Variants in KIF18B observed in about 807,000 individuals in gnomAD.
KIF18B encodes kinesin-like protein KIF18B.
KIF18B carries 49 observed loss-of-function variants against 80.9 expected under a neutral mutation model. The ratio of observed to expected loss-of-function variants is 0.61; its 90% CI spans 0.48 to 0.77. The LOEUF (loss-of-function observed/expected upper bound fraction) is 0.77. Ranked by LOEUF, KIF18B falls within the 30% of genes least tolerant of loss-of-function variation. The pLI, the probability that KIF18B is intolerant of heterozygous loss-of-function variation, is 0.00. For missense variants in KIF18B, 994 were observed against 1,127.7 expected, an observed-to-expected ratio of 0.88 and a Z score of 1.70; for synonymous variants, 439 against 463.9, an observed-to-expected ratio of 0.95 and a Z score of 0.69.
chr17:44,940,567 C>T (rs1597895162), intron 1 of KIF18B, among the ~76,000 whole-genome samples: 1 of 152,116 alleles, frequency 6.6e-6, no homozygotes, highest in Non-Finnish European at 1.5e-5. Context: ...TGGAATGCAG[C>T]GTACCAAGGG....
intron 7 of KIF18B, among the ~76,000 whole-genome samples, chr17:44,933,524 GCT>G (rs374255740): frequency 2.5e-3 from 372 of 150,822 alleles, no homozygotes; most frequent in African/African-American, 8.7e-3. Flanking sequence ...ACAGAGTCTA[GCT>G]CTGTCGCCCA....
intron 1 of KIF18B, among the ~76,000 whole-genome samples, chr17:44,944,509 T>A (rs1006048392): frequency 2.0e-5 from 3 of 152,170 alleles, no homozygotes; most frequent in Non-Finnish European, 4.4e-5. Context: ...CCCAAAGTGC[T>A]GGTGCTGGGA....
chr17:44,936,231 C>A lies in KIF18B; in HGVS notation c.114G>T (p.Leu38=). 1 of 1,610,432 alleles carries A rather than the reference C, an allele frequency of 6.2e-7. No individual in the cohort carries two copies. The highest frequency in any genetic ancestry group is 8.5e-7 in the Non-Finnish European group (1 of 1,178,818). ...CATCGGGCTCCTCAGGGTTAAACAC[C>A]AGCACCCGCTCGTCCACCACCTGAA... ...PVVQVVDERV[L]VFNPEEPDGG... The change falls in exon 2 of 16, where the codon CTG becomes CTT. Residue 38 remains leucine (L), a synonymous_variant. Coordinates refer to ENST00000593135, the MANE Select transcript of KIF18B (RefSeq NM_001265577.2).
intron 1 of KIF18B, among the ~76,000 whole-genome samples, chr17:44,947,229 G>A (rs1034326060): frequency 6.6e-6 from 1 of 151,180 alleles, no homozygotes; most frequent in African/African-American, 2.4e-5. Flanking sequence ...ACTCCTCACT[G>A]ACATGCAGGG....
rs2052284087 is a variant in KIF18B at position 44,936,152 on chromosome 17, CCTT to C, written c.190_192del (p.Lys64del). On this transcript the variant is annotated inframe_deletion, in exon 2 of 16. Coordinates refer to ENST00000593135, the MANE Select transcript of KIF18B (RefSeq NM_001265577.2). Reference sequence around the variant, plus strand: ...TCAAAGACAAACGTCAGGTCTTTGCCCTTCTTCTTGGGGCCATCATGGGTGCCA... The same window carrying C: ...TCAAAGACAAACGTCAGGTCTTTGCCCTTCTTGGGGCCATCATGGGTGCCA... 6.2e-7 allele frequency: 1 copy of C among 1,613,574 alleles called. No individual in the cohort carries two copies. The highest frequency in any genetic ancestry group is 8.5e-7 in the Non-Finnish European group (1 of 1,179,800).
chr17:44,928,281 G>T lies in KIF18B; in HGVS notation c.2021C>A (p.Thr674Asn), dbSNP rs1440667721. ...GGAGGAGGCCCTTTCTCCTTTGGGG[G>T]TGCTGGGCCCCTGTGAAGGTTGGGT... ...PDTQPSQGPS[T>N]PKGERASSPC... The change falls in exon 13 of 16, where the codon ACC becomes AAC. Residue 674 changes from threonine (T) to asparagine (N), a missense_variant. Physicochemically the swap from Thr to Asn is moderately conservative, Grantham distance 65. Coordinates refer to ENST00000593135, the MANE Select transcript of KIF18B (RefSeq NM_001265577.2). The T allele has an allele frequency of 6.2e-7, 1 of 1,613,412 alleles. No individual in the cohort carries two copies. Among genetic ancestry groups the T allele is most frequent in the African/African-American group, 1.3e-5 (1 of 74,912 alleles).
chr17:44,932,035 C>T, intron 10 of KIF18B, 21 bp downstream of exon 10: 2 of 1,592,902 alleles, frequency 1.3e-6, no homozygotes, highest in Non-Finnish European at 1.7e-6. Flanking sequence ...GATACCCAGG[C>T]CTCACACCCC....
rs555272626 is a variant in KIF18B at position 44,928,762 on chromosome 17, T to A, written c.1723+57A>T. On this transcript the variant is annotated intron_variant, in intron 12 of 15. Coordinates refer to ENST00000593135, the MANE Select transcript of KIF18B (RefSeq NM_001265577.2). ...GCCCCTGGACACCCCTTGGCCCCAG[T>A]GGGGCCTTGAAGACAGCACCTTGAA... The A allele has an allele frequency of 7.7e-6, 12 of 1,557,908 alleles. No homozygotes were observed. In the African/African-American group the frequency reaches 1.2e-4, roughly 16 times the overall value.
At chr17:44,935,211 TC>T (rs753863008) in intron 3 of KIF18B, 47 bp downstream of exon 3, 6 of 1,518,548 alleles carry the variant, frequency 4.0e-6, no homozygotes, top group East Asian at 2.3e-5. Flanking sequence ...TGGGCTCACT[TC>T]CCCCCGGGTG....
chr17:44,926,100 C>A lies in KIF18B; in HGVS notation c.2539G>T (p.Gly847Cys). ...GGCGGTCAGGACACCTTGGTGACGC[C>A]GTTCCCTGCTGAGAGTGCTCTCCCC... Reference protein sequence around the residue: ...RVGRALSAGNGVTKVS With the variant: ...RVGRALSAGNCVTKVS The change falls in exon 16 of 16, where the codon GGC becomes TGC. Residue 847 changes from glycine (G) to cysteine (C), a missense_variant. Gly to Cys is a radical substitution (Grantham distance 159, BLOSUM62 -3). Coordinates refer to ENST00000593135, the MANE Select transcript of KIF18B (RefSeq NM_001265577.2). The A allele has an allele frequency of 1.2e-5, 19 of 1,613,886 alleles. No individual in the cohort carries two copies. The highest frequency in any genetic ancestry group is 1.6e-5 in the Non-Finnish European group (19 of 1,179,872).
Position 44,936,283 on chromosome 17 carries a change from T to C in KIF18B, c.62A>G (p.Glu21Gly). The change falls in exon 2 of 16, where the codon GAG becomes GGG. Residue 21 changes from glutamate to glycine, a missense_variant. Glu to Gly is a moderately conservative substitution (Grantham distance 98, BLOSUM62 -2). Coordinates refer to ENST00000593135, the MANE Select transcript of KIF18B (RefSeq NM_001265577.2). ...CACTGGCCGCCGCTGACTGTCCAGCTCCCGAGGGGTGGGGGGCCGCACCCG... is the reference window on the plus strand; with the variant it reads ...CACTGGCCGCCGCTGACTGTCCAGCCCCCGAGGGGTGGGGGGCCGCACCCG... ...VVRVRPPTPR[E>G]LDSQRRPVVQ... is the part of the protein sequence containing the mutation. 6.2e-7 allele frequency: 1 copy of C among 1,610,790 alleles called. No homozygotes were observed. The highest frequency in any genetic ancestry group is 1.3e-5 in the African/African-American group (1 of 74,900).
intron 1 of KIF18B, among the ~76,000 whole-genome samples, chr17:44,937,500 T>A (rs1011263218): frequency 2.6e-5 from 4 of 152,214 alleles, no homozygotes; most frequent in African/African-American, 9.7e-5. Context: ...AGGTATTTTA[T>A]GTACTTAATT....
chr17:44,932,635 G>T (rs202211367), intron 9 of KIF18B, 38 bp downstream of exon 9: 3 of 1,074,186 alleles, frequency 2.8e-6, no homozygotes, highest in African/African-American at 1.5e-5. Context: ...TCCTGGCTGA[G>T]CTGCAGGGTG....
chr17:44,936,598 C>CTCTCTCTCTA (rs1183735794), intron 1 of KIF18B, among the ~76,000 whole-genome samples: 3 of 27,852 alleles, frequency 1.1e-4, no homozygotes, highest in Non-Finnish European at 1.3e-4. Context: ...CTCTCTCTCT[C>CTCTCTCTCTA]TATATATATA....
chr17:44,942,582 C>T (rs943200737), intron 1 of KIF18B, among the ~76,000 whole-genome samples: 18 of 152,230 alleles, frequency 1.2e-4, no homozygotes, highest in Admixed American at 5.9e-4. Context: ...ATCTCTCCTT[C>T]ACAACCCTAA....
chr17:44,940,925 T>C (rs954761442), intron 1 of KIF18B, among the ~76,000 whole-genome samples: 1 of 152,242 alleles, frequency 6.6e-6, no homozygotes, highest in African/African-American at 2.4e-5. Context: ...ATGTATGTAA[T>C]TCTATTCCTG....
chr17:44,947,113 CAAAA>C (rs57955845), intron 1 of KIF18B, among the ~76,000 whole-genome samples: 14 of 54,002 alleles, frequency 2.6e-4, no homozygotes, highest in South Asian at 7.8e-4. Flanking sequence ...ACTCCATCTC[CAAAA>C]AAAAAAAAAA....
chr17:44,936,624 A>ATATT (rs1567796338), intron 1 of KIF18B, among the ~76,000 whole-genome samples: 2 of 27,904 alleles, frequency 7.2e-5, no homozygotes, highest in South Asian at 1.7e-3. Context: ...ATATATATAT[A>ATATT]TTTTTTTTTT....
At chr17:44,931,454 T>C in intron 11 of KIF18B, 148 bp downstream of exon 11, 1 of 1,034,302 alleles carries the variant, frequency 9.7e-7, no homozygotes, top group Non-Finnish European at 1.5e-6. Flanking sequence ...TAGGTGACGA[T>C]AACAACAAGG....
Sources: allele counts gnomAD v4.1 joint callset (sites outside exome capture counted in the v4.1 genomes callset), GRCh38; gene constraint gnomAD v4.1.1; transcripts MANE v1.5; gene names NCBI Gene and HGNC (gene_info 2026-07-23, HGNC 2026-07-21).